Variants in KIF15 observed in about 807,000 individuals in gnomAD.
The protein encoded by KIF15 is kinesin family member 15, also known as kinesin-like protein KIF15.
A neutral mutation model predicts 190.6 loss-of-function variants in KIF15; 140 were observed. That is an observed-to-expected ratio of 0.73 (90% confidence interval 0.64 to 0.84). The LOEUF (loss-of-function observed/expected upper bound fraction) is 0.84. Among genes scored for constraint, KIF15 ranks in the 40% least tolerant of loss-of-function variants. The pLI is 0.00. For missense variants in KIF15, 1,372 were observed against 1,584.4 expected, an observed-to-expected ratio of 0.87 and a Z score of 2.28; for synonymous variants, 528 against 551.3, an observed-to-expected ratio of 0.96 and a Z score of 0.59.
chr3:44,798,206 A>G (rs1707088709), intron 10 of KIF15, among the ~76,000 whole-genome samples: 1 of 151,888 alleles, frequency 6.6e-6, no homozygotes, highest in Non-Finnish European at 1.5e-5. Context: ...TGTGTCACCC[A>G]GGCTGGAGTG....
chr3:44,803,090 G>A, intron 14 of KIF15, 99 bp downstream of exon 14: 1 of 983,080 alleles, frequency 1.0e-6, no homozygotes, highest in South Asian at 1.9e-5. Context: ...TTAGCCTCCA[G>A]GCCTGCTATG....
intron 19 of KIF15, 107 bp downstream of exon 19, chr3:44,813,287 G>A: frequency 3.2e-6 from 2 of 621,676 alleles, no homozygotes; most frequent in East Asian, 3.3e-5. Flanking sequence ...TGGTTGCTTT[G>A]TTGTTGTTGT....
At chr3:44,780,623 T>A (rs1706118136) in intron 4 of KIF15, among the ~76,000 whole-genome samples, 1 of 152,098 alleles carries the variant, frequency 6.6e-6, no homozygotes, top group South Asian at 2.1e-4. Context: ...TCATCCCAAT[T>A]TTGGTAAATA....
At chr3:44,777,565 C>T (rs912786060) in intron 3 of KIF15, among the ~76,000 whole-genome samples, 1 of 152,088 alleles carries the variant, frequency 6.6e-6, no homozygotes, top group Admixed American at 6.5e-5. Context: ...GTGGTGTGCA[C>T]CTGTAGTCCC....
At chr3:44,786,706 G>A (rs1706424153) in intron 7 of KIF15, 132 bp downstream of exon 7, 1 of 636,986 alleles carries the variant, frequency 1.6e-6, no homozygotes, top group Non-Finnish European at 2.4e-6. Flanking sequence ...TTCATGGGAA[G>A]TAAAGATAAA....
At chr3:44,776,551 T>C (rs865867854) in intron 3 of KIF15, among the ~76,000 whole-genome samples, 59 of 152,314 alleles carry the variant, frequency 3.9e-4, no homozygotes, top group African/African-American at 1.3e-3. Context: ...ATATTAAAAG[T>C]GTGGCTCATG....
At chr3:44,798,214 G>A (rs1318195889) in intron 10 of KIF15, among the ~76,000 whole-genome samples, 1 of 151,870 alleles carries the variant, frequency 6.6e-6, no homozygotes, top group African/African-American at 2.4e-5. Context: ...CCAGGCTGGA[G>A]TGCAGTGGTG....
intron 6 of KIF15, chr3:44,864,923 A>G (rs1699303851): frequency 7.2e-7 from 1 of 1,386,968 alleles, no homozygotes. Flanking sequence ...TTCAAGCCCA[A>G]GGCTTCTGGC....
chr3:44,815,117 T>C (rs780217337), intron 20 of KIF15, 41 bp downstream of exon 20: 1 of 1,481,968 alleles, frequency 6.7e-7, no homozygotes, highest in Non-Finnish European at 9.1e-7. Flanking sequence ...CCTGATTGGC[T>C]GTAACCTACG....
chr3:44,777,249 TG>T (rs1267215065), intron 3 of KIF15, among the ~76,000 whole-genome samples: 2 of 152,088 alleles, frequency 1.3e-5, no homozygotes, highest in Non-Finnish European at 2.9e-5. Flanking sequence ...CCTCCCATCT[TG>T]GCTTCCCTAA....
chr3:44,834,720 C>T (rs894831789), intron 26 of KIF15, among the ~76,000 whole-genome samples: 2 of 150,478 alleles, frequency 1.3e-5, no homozygotes, highest in South Asian at 2.1e-4. Flanking sequence ...GTCAGGAGAT[C>T]GAGACCATCC....
chr3:44,826,293 CTGCCACATAGAAGGTACT>C, intron 21 of KIF15, 64 bp from the exon 22 acceptor site: 1 of 1,552,344 alleles, frequency 6.4e-7, no homozygotes, highest in African/African-American at 1.4e-5. Flanking sequence ...CCCACAGTGC[CTGCCACATAGAAGGTACT>C]TGACATGTTC....
Position 44,826,982 on chromosome 3 carries a change from C to T in KIF15, c.2787-477C>T, listed in dbSNP as rs149715297. 3,387 of 455,944 alleles carry T rather than the reference C, an allele frequency of 7.4e-3. 32 individuals carry two copies. Among genetic ancestry groups the T allele is most frequent in the Middle Eastern group, 0.021 (65 of 3,074 alleles). 28.2% of individuals were successfully genotyped at this position (455,944 alleles called of 1,614,324 possible). On this transcript the variant is annotated intron_variant, in intron 22 of 34. Coordinates refer to ENST00000326047, the MANE Select transcript of KIF15 (RefSeq NM_020242.3). ...ACTTATGGAGTTCTTCCTATGAGGT[C>T]GCTTTTCTTCTAGGCCCTGGTATAC...
chr3:44,813,005 G>T, intron 18 of KIF15, 70 bp from the exon 19 acceptor site: 8 of 918,108 alleles, frequency 8.7e-6, no homozygotes, highest in Non-Finnish European at 1.3e-5. Context: ...AAAGAAACAG[G>T]TTAATGATTT....
intron 21 of KIF15, 66 bp from the exon 22 acceptor site, chr3:44,826,309 A>G: frequency 6.4e-7 from 1 of 1,562,636 alleles, no homozygotes; most frequent in Non-Finnish European, 8.8e-7. Context: ...CATAGAAGGT[A>G]CTTGACATGT....
chr3:44,802,883 C>CT lies in KIF15; in HGVS notation c.1580dup (p.Arg528GlufsTer26). 6.2e-7 allele frequency: 1 copy of CT among 1,611,818 alleles called. No individual in the cohort carries two copies. The highest frequency in any genetic ancestry group is 8.5e-7 in the Non-Finnish European group (1 of 1,179,430). On this transcript the variant is annotated frameshift_variant, in exon 14 of 35. Transcript: ENST00000326047. LOFTEE classifies it high-confidence loss of function. ...TTCCCTCAGGGAGGAGAATAGAAGA[C>CT]TGAGATTATTAGAGCCTGTGAAAAG...
At chr3:44,825,848 T>C (rs975199414) in intron 20 of KIF15, among the ~76,000 whole-genome samples, 191 bp from the exon 21 acceptor site, 1 of 152,210 alleles carries the variant, frequency 6.6e-6, no homozygotes, top group East Asian at 1.9e-4. Flanking sequence ...AACTACTCTA[T>C]GGTCCAGTGT....
intron 7 of KIF15, among the ~76,000 whole-genome samples, 177 bp from the exon 8 acceptor site, chr3:44,794,040 A>G (rs1235494796): frequency 1.3e-5 from 2 of 152,024 alleles, no homozygotes; most frequent in African/African-American, 2.4e-5. Context: ...GCCACTGTAC[A>G]TAGCAAATTA....
chr3:44,767,303 C>T (rs1004995982), intron 1 of KIF15, among the ~76,000 whole-genome samples: 2 of 152,110 alleles, frequency 1.3e-5, no homozygotes, highest in African/African-American at 4.8e-5. Context: ...AGAGATATTG[C>T]TGGCTTGGTT....
Sources: gnomAD v4.1 joint callset for allele counts (sites outside exome capture counted in the v4.1 genomes callset) on GRCh38, gnomAD v4.1.1 for gene constraint, MANE v1.5 for transcripts, NCBI Gene and HGNC (gene_info 2026-07-23, HGNC 2026-07-21) for gene names.